The following RGMA variants were observed in gnomAD, a reference collection of about 807,000 sequenced individuals.
The protein encoded by RGMA is repulsive guidance molecule A.
In RGMA, 10 loss-of-function variants were observed where a neutral mutation model predicts 23.2. The observed-to-expected ratio is 0.43, with a 90% CI of 0.27 to 0.73. RGMA has a LOEUF of 0.73. Among genes scored for constraint, RGMA ranks in the 30% least tolerant of loss-of-function variants. The pLI is 0.20. For missense variants in RGMA, 547 were observed against 630.5 expected (o/e 0.87, Z 1.42); for synonymous variants, 308 against 279.3 (o/e 1.10, Z -1.03).
At chr15:93,073,627 GACGCGAC>G in intron 1 of RGMA, 1 of 1,537,124 alleles carries the variant, frequency 6.5e-7, no homozygotes, top group Non-Finnish European at 8.7e-7. Flanking sequence ...GTCGCACTCA[GACGCGAC>G]ACCGGTGCAG....
chr15:93,088,498 C>T lies in RGMA; in HGVS notation c.14+421G>A, dbSNP rs1347407628. 1.2e-5 allele frequency: 12 copies of T among 992,612 alleles called. No homozygotes were observed. The African/African-American group carries it at 1.9e-4, about 16-fold the overall frequency. The allele number at this position is 992,612 out of a possible 1,614,324, so 61.5% of individuals were successfully genotyped here. A position where few individuals can be genotyped will look rare whatever the true frequency, so the allele number is the denominator to read the frequency against. Reference sequence around the variant, plus strand: ...CCGAGGGCAGGAGATGGCCAGGCAGCTCCGCAGCCGGGCGTCGAGCGGGAG... The same window carrying T: ...CCGAGGGCAGGAGATGGCCAGGCAGTTCCGCAGCCGGGCGTCGAGCGGGAG... On this transcript the variant is annotated intron_variant, in intron 1 of 3. Transcript: ENST00000329082.
At chr15:93,074,003 C>G in intron 1 of RGMA, 1 of 1,388,750 alleles carries the variant, frequency 7.2e-7, no homozygotes, top group South Asian at 1.8e-5. Context: ...TTTCCTAACT[C>G]TGTCGCTTAT....
At position 93,036,128 on chromosome 15, in the gene RGMA, G is replaced by C. The variant is rs2054657971; in HGVS notation, c.*8870C>G. 6.6e-6 allele frequency: 1 copy of C among 152,196 alleles called. No homozygotes were observed. Among genetic ancestry groups the C allele is most frequent in the East Asian group, 1.9e-4 (1 of 5,206 alleles). The allele number at this position is 152,196 out of a possible 1,614,324, so 9.4% of individuals were successfully genotyped here. ...GGTTAGTGTCTGTCTCTCACCACTA[G>C]AGGTCAGTCCCGTGAGGGCGGGCAC... is the stretch of plus-strand genomic sequence containing the variant. On this transcript the variant is annotated 3_prime_UTR_variant, in exon 4 of 4. Transcript: ENST00000329082.
chr15:93,044,998 C>T lies in RGMA; in HGVS notation c.1353G>A (p.Ter451=), dbSNP rs1246507716. The T allele has an allele frequency of 1.3e-6, 2 of 1,597,362 alleles. No homozygotes were observed. The highest frequency in any genetic ancestry group is 1.7e-6 in the Non-Finnish European group (2 of 1,172,456). The change falls in exon 4 of 4, where the codon TAG becomes TAA. Residue 451 remains the stop codon, a stop_retained_variant. Coordinates refer to ENST00000329082, the MANE Select transcript of RGMA (RefSeq NM_020211.3). ...CGCGCCTCCCTCCACATCTACGCGT[C>T]TAGCAGAACACAGGGAGCAGGGCCA... is the stretch of plus-strand genomic sequence containing the variant. ...PLLALLPVFC[*]
chr15:93,052,174 G>A lies in RGMA; in HGVS notation c.464C>T (p.Ser155Leu), dbSNP rs765965633. The A allele has an allele frequency of 1.6e-5, 25 of 1,612,868 alleles. No homozygotes were observed. The highest frequency in any genetic ancestry group is 1.8e-5 in the Non-Finnish European group (21 of 1,179,144). The change falls in exon 3 of 4, where the codon TCG (serine) becomes TTG (leucine). Residue 155 changes from serine to leucine, a missense_variant. Ser to Leu is a moderately radical substitution (Grantham distance 145). This residue lies in a region of RGMA where 214 missense variants were observed against 234.7 expected (regional missense o/e 0.91). Transcript: ENST00000329082. ...CHYEKSFHKH[S>L]ATPNYTHCGL... is the part of the protein sequence containing the mutation. ...ACAGTGCGTGTAGTTGGGGGTGGCC[G>A]AGTGCTTGTGAAAGCTCTTCTCGTA...
intron 2 of RGMA, among the ~76,000 whole-genome samples, chr15:93,056,937 C>A (rs2055024337): frequency 6.6e-6 from 1 of 152,164 alleles, no homozygotes; most frequent in African/African-American, 2.4e-5. Flanking sequence ...CCCGGGAGGT[C>A]AGAGGTTAGA....
intron 2 of RGMA, among the ~76,000 whole-genome samples, chr15:93,055,125 C>G (rs2054992788): frequency 6.6e-6 from 1 of 152,256 alleles, no homozygotes; most frequent in Non-Finnish European, 1.5e-5. Context: ...TCTGCCTCCT[C>G]AGAATCATGC....
intron 1 of RGMA, among the ~76,000 whole-genome samples, chr15:93,088,069 A>G (rs968473240): frequency 4.6e-5 from 7 of 152,184 alleles, no homozygotes; most frequent in African/African-American, 1.7e-4. Context: ...CCCAATTTAT[A>G]AAATAAATAC....
intron 2 of RGMA, among the ~76,000 whole-genome samples, chr15:93,069,691 C>T (rs1449150354): frequency 1.3e-5 from 2 of 152,326 alleles, no homozygotes; most frequent in South Asian, 2.1e-4. Context: ...GCCCCAGCTC[C>T]AGAGTAACTG....
chr15:93,071,634 G>T (rs908902804), intron 2 of RGMA, among the ~76,000 whole-genome samples: 2 of 152,204 alleles, frequency 1.3e-5, no homozygotes, highest in South Asian at 2.1e-4. Flanking sequence ...CTGATCCCTC[G>T]CTCCCTACTG....
intron 2 of RGMA, among the ~76,000 whole-genome samples, chr15:93,057,414 T>C (rs1462744989): frequency 6.6e-6 from 1 of 152,050 alleles, no homozygotes; most frequent in African/African-American, 2.4e-5. Flanking sequence ...TCTCTCTCTC[T>C]CCCTGCCCCC....
chr15:93,058,878 C>T (rs562198831), intron 2 of RGMA, among the ~76,000 whole-genome samples: 1 of 152,266 alleles, frequency 6.6e-6, no homozygotes, highest in South Asian at 2.1e-4. Flanking sequence ...GGCTGTGCAC[C>T]CAGGACTGCA....
chr15:93,058,207 C>T (rs947548701), intron 2 of RGMA, among the ~76,000 whole-genome samples: 1 of 152,178 alleles, frequency 6.6e-6, no homozygotes, highest in Non-Finnish European at 1.5e-5. Context: ...AATTCAGGGT[C>T]GACAGGCAAC....
chr15:93,052,877 AAAGC>A (rs1426597309), intron 2 of RGMA, among the ~76,000 whole-genome samples: 24 of 152,340 alleles, frequency 1.6e-4, no homozygotes, highest in African/African-American at 5.5e-4. Flanking sequence ...AATTTTGGCT[AAAGC>A]AACAGGAATC....
At chr15:93,058,518 G>A (rs2141821190) in intron 2 of RGMA, among the ~76,000 whole-genome samples, 1 of 152,386 alleles carries the variant, frequency 6.6e-6, no homozygotes, top group East Asian at 1.9e-4. Context: ...GGGAGAGGCT[G>A]AGCTTAACTA....
At position 93,069,692 on chromosome 15, in the gene RGMA, A is replaced by G. The variant is rs181610165; in HGVS notation, c.130+3224T>C. Among the ~76,000 whole-genome samples, 43 of 152,360 alleles carry G rather than the reference A, an allele frequency of 2.8e-4. No individual in the cohort carries two copies. In the East Asian group the frequency reaches 8.3e-3, roughly 29 times the overall value. Reference sequence around the variant, plus strand: ...ACACAGACTGCAGGGCCCCAGCTCCAGAGTAACTGCTTCTATAGGTCTGTG... The same window carrying G: ...ACACAGACTGCAGGGCCCCAGCTCCGGAGTAACTGCTTCTATAGGTCTGTG... On this transcript the variant is annotated intron_variant, in intron 2 of 3. Transcript: ENST00000329082.
intron 2 of RGMA, among the ~76,000 whole-genome samples, chr15:93,060,520 G>C (rs1240183057): frequency 6.6e-6 from 1 of 152,238 alleles, no homozygotes; most frequent in African/African-American, 2.4e-5. Context: ...CTACAAGACA[G>C]AGTGGCTCCC....
chr15:93,047,015 T>C (rs1245936919), intron 3 of RGMA, among the ~76,000 whole-genome samples: 1 of 152,262 alleles, frequency 6.6e-6, no homozygotes, highest in Admixed American at 6.5e-5. Flanking sequence ...GACATTACTC[T>C]CAATTTTCCG....
intron 2 of RGMA, among the ~76,000 whole-genome samples, chr15:93,067,165 G>T (rs1449856906): frequency 6.6e-6 from 1 of 152,184 alleles, no homozygotes; most frequent in African/African-American, 2.4e-5. Context: ...TGGGAGGTTG[G>T]ATTTTGGGTT....
Sources: allele counts gnomAD v4.1 joint callset (sites outside exome capture counted in the v4.1 genomes callset), GRCh38; gene constraint gnomAD v4.1.1; regional missense constraint gnomAD v4.1.1; transcripts MANE v1.5; gene names NCBI Gene and HGNC (gene_info 2026-07-23, HGNC 2026-07-21).